The following TGM6 variants were observed in gnomAD, a reference collection of about 807,000 sequenced individuals.
The protein encoded by TGM6 is protein-glutamine gamma-glutamyltransferase 6.
Under a neutral mutation model 77.5 loss-of-function variants are expected in TGM6, and 74 were observed. The ratio of observed to expected loss-of-function variants is 0.96; its 90% confidence interval spans 0.79 to 1.16. The LOEUF (loss-of-function observed/expected upper bound fraction) is 1.16, where lower values mean the gene tolerates loss of function less well. TGM6 is among the 50% of genes most tolerant of loss of function. The probability of loss-of-function intolerance (pLI) is 0.00; values close to 1 mark genes in which losing one functional copy is unlikely to be tolerated. For synonymous variants in TGM6, 383 were observed against 378.9 expected, an observed-to-expected ratio of 1.01 and a Z score of -0.12; for missense variants, 968 against 940.2, an observed-to-expected ratio of 1.03 and a Z score of -0.39.
At chr20:2,410,346 A>G (rs974202216) in intron 9 of TGM6, among the ~76,000 whole-genome samples, 1 of 152,152 alleles carries the variant, frequency 6.6e-6, no homozygotes, top group Non-Finnish European at 1.5e-5. Context: ...AGAGGGTGGC[A>G]TGCTTAGAGA....
chr20:2,415,985 A>G (rs1430357442), intron 9 of TGM6, among the ~76,000 whole-genome samples: 3 of 152,084 alleles, frequency 2.0e-5, no homozygotes, highest in Non-Finnish European at 4.4e-5. Context: ...ACAACAAGAG[A>G]GTGCGTTCCC....
At chr20:2,381,486 T>G (rs1298151190) in intron 1 of TGM6, among the ~76,000 whole-genome samples, 1 of 152,208 alleles carries the variant, frequency 6.6e-6, no homozygotes, top group Admixed American at 6.5e-5. Flanking sequence ...AATTTGCCCT[T>G]GGTACCTCTG....
intron 1 of TGM6, among the ~76,000 whole-genome samples, chr20:2,384,137 G>A (rs944052104): frequency 1.3e-5 from 2 of 149,892 alleles, no homozygotes; most frequent in Non-Finnish European, 1.5e-5. Flanking sequence ...ATCCCTGTTC[G>A]TAGAGCTCAT....
intron 9 of TGM6, among the ~76,000 whole-genome samples, chr20:2,417,028 C>T (rs1433701733): frequency 2.6e-5 from 4 of 152,200 alleles, no homozygotes; most frequent in Non-Finnish European, 5.9e-5. Flanking sequence ...TTTGACCCAG[C>T]TCTCAGAGAA....
At chr20:2,418,696 T>C (rs975764297) in intron 10 of TGM6, among the ~76,000 whole-genome samples, 1 of 152,260 alleles carries the variant, frequency 6.6e-6, no homozygotes, top group Non-Finnish European at 1.5e-5. Flanking sequence ...AATTTATCCT[T>C]AGTATTTCAT....
At chr20:2,393,374 C>T (rs540394932) in intron 1 of TGM6, among the ~76,000 whole-genome samples, 1 of 152,218 alleles carries the variant, frequency 6.6e-6, no homozygotes, top group South Asian at 2.1e-4. Context: ...TTTAAAATGG[C>T]CGCTGAGCAT....
At chr20:2,424,384 T>A (rs948610055) in intron 10 of TGM6, among the ~76,000 whole-genome samples, 2 of 152,236 alleles carry the variant, frequency 1.3e-5, no homozygotes, top group Admixed American at 6.5e-5. Context: ...TGCTTCAGCT[T>A]GCACTTTTAT....
chr20:2,421,174 A>G (rs542372291), intron 10 of TGM6, among the ~76,000 whole-genome samples: 3 of 152,266 alleles, frequency 2.0e-5, no homozygotes, highest in South Asian at 4.1e-4. Flanking sequence ...TTTAGTAAAG[A>G]CAGGGTTTCA....
chr20:2,425,361 A>G (rs927295733), intron 10 of TGM6, among the ~76,000 whole-genome samples: 2 of 152,230 alleles, frequency 1.3e-5, no homozygotes, highest in South Asian at 4.1e-4. Context: ...AGAAAAAAAA[A>G]AAAAGATCAC....
chr20:2,399,169 C>G (rs1422448945), intron 5 of TGM6, among the ~76,000 whole-genome samples: 2 of 148,294 alleles, frequency 1.3e-5, no homozygotes, highest in African/African-American at 5.0e-5. Context: ...AATAATGAAA[C>G]CTACATTGTA....
intron 10 of TGM6, among the ~76,000 whole-genome samples, chr20:2,419,749 A>G (rs1285939480): frequency 6.6e-6 from 1 of 152,236 alleles, no homozygotes; most frequent in Non-Finnish European, 1.5e-5. Flanking sequence ...ATATTTAAAT[A>G]AATAGAATTT....
At chr20:2,381,567 C>T (rs943379406) in intron 1 of TGM6, among the ~76,000 whole-genome samples, 6 of 152,148 alleles carry the variant, frequency 3.9e-5, no homozygotes, top group African/African-American at 1.4e-4. Context: ...GTTGGTGAGA[C>T]CACGTGTGCT....
At chr20:2,406,470 G>A (rs1439643962) in intron 9 of TGM6, among the ~76,000 whole-genome samples, 1 of 143,914 alleles carries the variant, frequency 6.9e-6, no homozygotes, top group Non-Finnish European at 1.5e-5. Context: ...TCCAGCCTGG[G>A]CAACACAGTG....
chr20:2,417,598 A>T, intron 10 of TGM6, 25 bp downstream of exon 10: 1 of 1,582,516 alleles, frequency 6.3e-7, no homozygotes, highest in Non-Finnish European at 8.5e-7. Context: ...GCTTGGTGGA[A>T]TCAGGCCAAA....
rs1018670844 is a variant in TGM6, at chr20:2,403,753, A to T, written c.1266A>T (p.Arg422Ser). The T allele has an allele frequency of 6.2e-7, 1 of 1,614,070 alleles. No homozygotes were observed. Among genetic ancestry groups the T allele is most frequent in the Non-Finnish European group, 8.5e-7 (1 of 1,180,060 alleles). The change falls in exon 9 of 13, where the codon AGA becomes AGT. Residue 422 changes from arginine to serine, a missense_variant. By Grantham distance (110) the Arg-to-Ser change is moderately radical. Transcript: ENST00000202625. The stretch of plus-strand genomic sequence containing the variant: ...ACTCAAACACGAAGAAGATTGGGAG[A>T]TGCATCAGCACCAAGGCGGTGGGCA... ...RVYSNTKKIG[R>S]CISTKAVGSD...
chr20:2,381,065 C>A (rs963512096), intron 1 of TGM6, 90 bp downstream of exon 1: 1 of 1,534,364 alleles, frequency 6.5e-7, no homozygotes, highest in Non-Finnish European at 8.9e-7. Context: ...GTTTGATCAT[C>A]GATTGTTAGG....
intron 7 of TGM6, among the ~76,000 whole-genome samples, chr20:2,401,202 C>A (rs1302444743): frequency 1.6e-5 from 1 of 61,066 alleles, no homozygotes; most frequent in Non-Finnish European, 3.6e-5. Flanking sequence ...AGTGAGACTT[C>A]GTCTCAAAAA....
chr20:2,412,740 G>A (rs2223859), intron 9 of TGM6, among the ~76,000 whole-genome samples: 66,016 of 151,882 alleles, frequency 0.43, 15,929 homozygotes, highest in African/African-American at 0.65. Flanking sequence ...ACTGGCAATG[G>A]ATAATCCAAA....
intron 9 of TGM6, among the ~76,000 whole-genome samples, chr20:2,407,831 A>G (rs1288225614): frequency 1.3e-5 from 2 of 152,132 alleles, no homozygotes; most frequent in Non-Finnish European, 2.9e-5. Flanking sequence ...CTCTCAAAGT[A>G]GAGACCCTCC....
Sources: gnomAD v4.1 joint callset for allele counts (sites outside exome capture counted in the v4.1 genomes callset) on GRCh38, gnomAD v4.1.1 for gene constraint, MANE v1.5 for transcripts, NCBI Gene and HGNC (gene_info 2026-07-23, HGNC 2026-07-21) for gene names.